The following TERC variants were observed in gnomAD, a reference collection of about 807,000 sequenced individuals.
The protein encoded by TERC is small Cajal body-specific RNA 19.
Position 169,764,878 on chromosome 3 carries a change from G to A in TERC, n.183C>T, listed in dbSNP as rs1391283733. ...CCCGGGAGGGGCGAACGGGCCAGCA[G>A]CTGACATTTTTTGTTTGCTCTAGAA... On this transcript the variant is annotated non_coding_transcript_exon_variant, in exon 1 of 1. Coordinates refer to ENST00000602385, the Ensembl canonical transcript of TERC. This position sits in a 1 kb window ranked among gnomAD's most constrained non-coding sequence, Gnocchi z 4.3. 1.3e-6 allele frequency: 1 copy of A among 762,110 alleles called. No individual in the cohort carries two copies. Among genetic ancestry groups the A allele is most frequent in the Non-Finnish European group, 2.4e-6 (1 of 416,398 alleles). The allele number at this position is 762,110 out of a possible 1,614,324, so 47.2% of individuals were successfully genotyped here. A position where few individuals can be genotyped will look rare whatever the true frequency, so the allele number is the denominator to read the frequency against.
chr3:169,764,855 C>T lies in TERC; in HGVS notation n.206G>A, dbSNP rs1445101144. On this transcript the variant is annotated non_coding_transcript_exon_variant, in exon 1 of 1. Coordinates refer to ENST00000602385, the Ensembl canonical transcript of TERC. This position sits in a 1 kb window ranked among gnomAD's most constrained non-coding sequence, Gnocchi z 4.3. ...GGGCAGGCGACCCGCCGCAGGTCCC[C>T]GGGAGGGGCGAACGGGCCAGCAGCT... The T allele has an allele frequency of 5.3e-6, 4 of 751,162 alleles. No homozygotes were observed. The highest frequency in any genetic ancestry group is 4.9e-5 in the East Asian group (2 of 40,554). The allele number at this position is 751,162 out of a possible 1,614,324, so 46.5% of individuals were successfully genotyped here.
chr3:169,764,789 G>T lies in TERC; in HGVS notation n.272C>A. 1.4e-6 allele frequency: 1 copy of T among 736,378 alleles called. No homozygotes were observed. 45.6% of individuals were successfully genotyped at this position (736,378 alleles called of 1,614,324 possible). ...GGTGGCAGTGGGTGCCTCCGGAGAA[G>T]CCCCGGGCCGACCGCGGCCTCCAGG... On this transcript the variant is annotated non_coding_transcript_exon_variant, in exon 1 of 1. Transcript: ENST00000602385. This position sits in a 1 kb window ranked among gnomAD's most constrained non-coding sequence, Gnocchi z 4.3.
Position 169,764,781 on chromosome 3 carries a change from C to G in TERC, n.280G>C, listed in dbSNP as rs776511480. On this transcript the variant is annotated non_coding_transcript_exon_variant, in exon 1 of 1. Coordinates refer to ENST00000602385, the Ensembl canonical transcript of TERC. This position sits in a 1 kb window ranked among gnomAD's most constrained non-coding sequence, Gnocchi z 4.3. Reference sequence around the variant, plus strand: ...CTCTTCGCGGTGGCAGTGGGTGCCTCCGGAGAAGCCCCGGGCCGACCGCGG... The same window carrying G: ...CTCTTCGCGGTGGCAGTGGGTGCCTGCGGAGAAGCCCCGGGCCGACCGCGG... 1.8e-5 allele frequency: 13 copies of G among 740,124 alleles called. No homozygotes were observed. In the Admixed American group the frequency reaches 2.0e-4, roughly 11 times the overall value. 45.8% of individuals were successfully genotyped at this position (740,124 alleles called of 1,614,324 possible). A position where few individuals can be genotyped will look rare whatever the true frequency, so the allele number is the denominator to read the frequency against.
chr3:169,765,015 G>A lies in TERC; in HGVS notation n.46C>T, dbSNP rs1330995437. 2.6e-6 allele frequency: 2 copies of A among 765,366 alleles called. No individual in the cohort carries two copies. The highest frequency in any genetic ancestry group is 4.8e-6 in the Non-Finnish European group (2 of 417,914). The allele number at this position is 765,366 out of a possible 1,614,324, so 47.4% of individuals were successfully genotyped here. A position where few individuals can be genotyped will look rare whatever the true frequency, so the allele number is the denominator to read the frequency against. On this transcript the variant is annotated non_coding_transcript_exon_variant, in exon 1 of 1. Transcript: ENST00000602385. Reference sequence around the variant, plus strand: ...CCTACGCCCTTCTCAGTTAGGGTTAGACAAAAAATGGCCACCACCCCTCCC... The same window carrying A: ...CCTACGCCCTTCTCAGTTAGGGTTAAACAAAAAATGGCCACCACCCCTCCC...
At position 169,764,861 on chromosome 3, in the gene TERC, G is replaced by T. The variant is rs1777961769; in HGVS notation, n.200C>A. The T allele has an allele frequency of 1.3e-6, 1 of 754,420 alleles. No homozygotes were observed. Among genetic ancestry groups the T allele is most frequent in the Non-Finnish European group, 2.4e-6 (1 of 412,546 alleles). The allele number at this position is 754,420 out of a possible 1,614,324, so 46.7% of individuals were successfully genotyped here. On this transcript the variant is annotated non_coding_transcript_exon_variant, in exon 1 of 1. Coordinates refer to ENST00000602385, the Ensembl canonical transcript of TERC. This position sits in a 1 kb window ranked among gnomAD's most constrained non-coding sequence, Gnocchi z 4.3. ...GCGACCCGCCGCAGGTCCCCGGGAG[G>T]GGCGAACGGGCCAGCAGCTGACATT...
At position 169,764,921 on chromosome 3, in the gene TERC, C is replaced by T. The variant is rs1469879190; in HGVS notation, n.140G>A. On this transcript the variant is annotated non_coding_transcript_exon_variant, in exon 1 of 1. Coordinates refer to ENST00000602385, the Ensembl canonical transcript of TERC. This position sits in a 1 kb window ranked among gnomAD's most constrained non-coding sequence, Gnocchi z 4.3. ...CTCTAGAATGAACGGTGGAAGGCGG[C>T]AGGCCGAGGCTTTTCCGCCCGCTGA... The T allele has an allele frequency of 5.2e-6, 4 of 765,134 alleles. No individual in the cohort carries two copies. In the East Asian group the frequency reaches 9.7e-5, roughly 19 times the overall value. 47.4% of individuals were successfully genotyped at this position (765,134 alleles called of 1,614,324 possible).
In TERC at chr3:169,764,779, C is replaced by T. The variant is rs1777960488; in HGVS notation, n.282G>A. ...AACTCTTCGCGGTGGCAGTGGGTGC[C>T]TCCGGAGAAGCCCCGGGCCGACCGC... On this transcript the variant is annotated non_coding_transcript_exon_variant, in exon 1 of 1. Transcript: ENST00000602385. The surrounding 1 kb of genome is among the most constrained non-coding windows in gnomAD (Gnocchi z 4.3). 1 of 741,676 alleles carries T rather than the reference C, an allele frequency of 1.3e-6. No individual in the cohort carries two copies. Among genetic ancestry groups the T allele is most frequent in the South Asian group, 1.4e-5 (1 of 72,022 alleles). 45.9% of individuals were successfully genotyped at this position (741,676 alleles called of 1,614,324 possible).
In TERC at chr3:169,765,059, C is replaced by T. The variant is rs199422257; in HGVS notation, n.2G>A. The stretch of plus-strand genomic sequence containing the variant: ...CCCTCCCAGGCCCACCCTCCGCAAC[C>T]CGGTGCGCTGCCGGGCGAGTCGGCT... On this transcript the variant is annotated non_coding_transcript_exon_variant, in exon 1 of 1. Transcript: ENST00000602385. 1 of 764,528 alleles carries T rather than the reference C, an allele frequency of 1.3e-6. No individual in the cohort carries two copies. The allele number at this position is 764,528 out of a possible 1,614,324, so 47.4% of individuals were successfully genotyped here. A position where few individuals can be genotyped will look rare whatever the true frequency, so the allele number is the denominator to read the frequency against.
At position 169,765,025 on chromosome 3, in the gene TERC, G is replaced by C. The variant is rs1248582778; in HGVS notation, n.36C>G. ...TCTCAGTTAGGGTTAGACAAAAAAT[G>C]GCCACCACCCCTCCCAGGCCCACCC... is the stretch of plus-strand genomic sequence containing the variant. On this transcript the variant is annotated non_coding_transcript_exon_variant, in exon 1 of 1. Transcript: ENST00000602385. 1 of 765,266 alleles carries C rather than the reference G, an allele frequency of 1.3e-6. No individual in the cohort carries two copies. Among genetic ancestry groups the C allele is most frequent in the Admixed American group, 1.7e-5 (1 of 59,042 alleles). The allele number at this position is 765,266 out of a possible 1,614,324, so 47.4% of individuals were successfully genotyped here. A position where few individuals can be genotyped will look rare whatever the true frequency, so the allele number is the denominator to read the frequency against.
In TERC at chr3:169,764,663, G is replaced by C. The variant is rs1777957722; in HGVS notation, n.398C>G. 1 of 750,976 alleles carries C rather than the reference G, an allele frequency of 1.3e-6. No individual in the cohort carries two copies. Among genetic ancestry groups the C allele is most frequent in the African/African-American group, 1.7e-5 (1 of 58,682 alleles). The allele number at this position is 750,976 out of a possible 1,614,324, so 46.5% of individuals were successfully genotyped here. On this transcript the variant is annotated non_coding_transcript_exon_variant, in exon 1 of 1. Transcript: ENST00000602385. This position sits in a 1 kb window ranked among gnomAD's most constrained non-coding sequence, Gnocchi z 4.3. ...GTCCCACAGCTCAGGGAATCGCGCC[G>C]CGCGCGGGGACTCGCTCCGTTCCTC...
Position 169,765,024 on chromosome 3 carries a change from T to G in TERC, n.37A>C, listed in dbSNP as rs199422261. ...TTCTCAGTTAGGGTTAGACAAAAAATGGCCACCACCCCTCCCAGGCCCACC... is the reference window on the plus strand; with the variant it reads ...TTCTCAGTTAGGGTTAGACAAAAAAGGGCCACCACCCCTCCCAGGCCCACC... On this transcript the variant is annotated non_coding_transcript_exon_variant, in exon 1 of 1. Coordinates refer to ENST00000602385, the Ensembl canonical transcript of TERC. 1.3e-6 allele frequency: 1 copy of G among 765,224 alleles called. No individual in the cohort carries two copies. The highest frequency in any genetic ancestry group is 2.4e-5 in the East Asian group (1 of 41,230). The allele number at this position is 765,224 out of a possible 1,614,324, so 47.4% of individuals were successfully genotyped here.
In TERC at chr3:169,764,893, T is replaced by C; in HGVS notation, n.168A>G. 1 of 764,594 alleles carries C rather than the reference T, an allele frequency of 1.3e-6. No individual in the cohort carries two copies. Among genetic ancestry groups the C allele is most frequent in the Non-Finnish European group, 2.4e-6 (1 of 417,600 alleles). The allele number at this position is 764,594 out of a possible 1,614,324, so 47.4% of individuals were successfully genotyped here. On this transcript the variant is annotated non_coding_transcript_exon_variant, in exon 1 of 1. Transcript: ENST00000602385. This position sits in a 1 kb window ranked among gnomAD's most constrained non-coding sequence, Gnocchi z 4.3. ...CGGGCCAGCAGCTGACATTTTTTGT[T>C]TGCTCTAGAATGAACGGTGGAAGGC...
chr3:169,765,043 G>C (rs751824499), exon 1 of TERC: 1 of 764,876 alleles, frequency 1.3e-6, no homozygotes, highest in South Asian at 1.3e-5. Flanking sequence ...CCCCTCCCAG[G>C]CCCACCCTCC....
Position 169,764,669 on chromosome 3 carries a change from G to T in TERC, n.392C>A, listed in dbSNP as rs1777957949. On this transcript the variant is annotated non_coding_transcript_exon_variant, in exon 1 of 1. Coordinates refer to ENST00000602385, the Ensembl canonical transcript of TERC. This position sits in a 1 kb window ranked among gnomAD's most constrained non-coding sequence, Gnocchi z 4.3. The stretch of plus-strand genomic sequence containing the variant: ...CAGCTCAGGGAATCGCGCCGCGCGC[G>T]GGGACTCGCTCCGTTCCTCTTCCTG... 1.3e-6 allele frequency: 1 copy of T among 752,552 alleles called. No homozygotes were observed. Among genetic ancestry groups the T allele is most frequent in the Admixed American group, 1.7e-5 (1 of 57,528 alleles). The allele number at this position is 752,552 out of a possible 1,614,324, so 46.6% of individuals were successfully genotyped here.
At position 169,764,658 on chromosome 3, in the gene TERC, G is replaced by A. The variant is rs751257814; in HGVS notation, n.403C>T. 1 of 750,090 alleles carries A rather than the reference G, an allele frequency of 1.3e-6. No homozygotes were observed. Among genetic ancestry groups the A allele is most frequent in the Non-Finnish European group, 2.4e-6 (1 of 409,068 alleles). The allele number at this position is 750,090 out of a possible 1,614,324, so 46.5% of individuals were successfully genotyped here. A position where few individuals can be genotyped will look rare whatever the true frequency, so the allele number is the denominator to read the frequency against. ...TGCACGTCCCACAGCTCAGGGAATC[G>A]CGCCGCGCGCGGGGACTCGCTCCGT... On this transcript the variant is annotated non_coding_transcript_exon_variant, in exon 1 of 1. Coordinates refer to ENST00000602385, the Ensembl canonical transcript of TERC. The surrounding 1 kb of genome is among the most constrained non-coding windows in gnomAD (Gnocchi z 4.3).
At position 169,764,840 on chromosome 3, in the gene TERC, C is replaced by A; in HGVS notation, n.221G>T. Reference sequence around the variant, plus strand: ...CGGGGTTCGGGGGCTGGGCAGGCGACCCGCCGCAGGTCCCCGGGAGGGGCG... The same window carrying A: ...CGGGGTTCGGGGGCTGGGCAGGCGAACCGCCGCAGGTCCCCGGGAGGGGCG... On this transcript the variant is annotated non_coding_transcript_exon_variant, in exon 1 of 1. Transcript: ENST00000602385. The surrounding 1 kb of genome is among the most constrained non-coding windows in gnomAD (Gnocchi z 4.3). The A allele has an allele frequency of 1.4e-6, 1 of 738,516 alleles. No individual in the cohort carries two copies. The highest frequency in any genetic ancestry group is 2.5e-6 in the Non-Finnish European group (1 of 404,226). The allele number at this position is 738,516 out of a possible 1,614,324, so 45.7% of individuals were successfully genotyped here.
At position 169,764,988 on chromosome 3, in the gene TERC, C is replaced by T. The variant is rs1015458467; in HGVS notation, n.73G>A. On this transcript the variant is annotated non_coding_transcript_exon_variant, in exon 1 of 1. Coordinates refer to ENST00000602385, the Ensembl canonical transcript of TERC. The surrounding 1 kb of genome is among the most constrained non-coding windows in gnomAD (Gnocchi z 4.3). ...CAGCGCGCGGGGAGCAAAAGCACGG[C>T]GCCTACGCCCTTCTCAGTTAGGGTT... 1.3e-6 allele frequency: 1 copy of T among 765,508 alleles called. No individual in the cohort carries two copies. Among genetic ancestry groups the T allele is most frequent in the African/African-American group, 1.7e-5 (1 of 59,288 alleles). The allele number at this position is 765,508 out of a possible 1,614,324, so 47.4% of individuals were successfully genotyped here.
rs1577384200 is a variant in TERC at position 169,764,823 on chromosome 3, G to C, written n.238C>G. 1 of 728,740 alleles carries C rather than the reference G, an allele frequency of 1.4e-6. No individual in the cohort carries two copies. Among genetic ancestry groups the C allele is most frequent in the Non-Finnish European group, 2.5e-6 (1 of 399,108 alleles). The allele number at this position is 728,740 out of a possible 1,614,324, so 45.1% of individuals were successfully genotyped here. ...CGACCGCGGCCTCCAGGCGGGGTTC[G>C]GGGGCTGGGCAGGCGACCCGCCGCA... On this transcript the variant is annotated non_coding_transcript_exon_variant, in exon 1 of 1. Transcript: ENST00000602385. The surrounding 1 kb of genome is among the most constrained non-coding windows in gnomAD (Gnocchi z 4.3).
At position 169,764,904 on chromosome 3, in the gene TERC, T is replaced by A. The variant is rs1268597311; in HGVS notation, n.157A>T. ...CTGACATTTTTTGTTTGCTCTAGAA[T>A]GAACGGTGGAAGGCGGCAGGCCGAG... On this transcript the variant is annotated non_coding_transcript_exon_variant, in exon 1 of 1. Transcript: ENST00000602385. The surrounding 1 kb of genome is among the most constrained non-coding windows in gnomAD (Gnocchi z 4.3). The A allele has an allele frequency of 6.5e-6, 5 of 764,964 alleles. No homozygotes were observed. The highest frequency in any genetic ancestry group is 1.2e-5 in the Non-Finnish European group (5 of 417,810). 47.4% of individuals were successfully genotyped at this position (764,964 alleles called of 1,614,324 possible). A position where few individuals can be genotyped will look rare whatever the true frequency, so the allele number is the denominator to read the frequency against.
Sources: allele counts gnomAD v4.1 joint callset, GRCh38; gene constraint gnomAD v4.1.1; non-coding constraint Gnocchi (gnomAD v3.1); transcripts MANE v1.5; gene names NCBI Gene and HGNC (gene_info 2026-07-23, HGNC 2026-07-21).